The following ERI1 variants were observed in gnomAD, a reference collection of about 807,000 sequenced individuals.
ERI1 encodes exoribonuclease 1.
Under a neutral mutation model 39.7 loss-of-function variants are expected in ERI1, and 39 were observed. The ratio of observed to expected loss-of-function variants is 0.98; its 90% CI spans 0.76 to 1.28. The LOEUF is 1.28. ERI1 is among the 50% of genes most tolerant of loss of function. ERI1 has a pLI of 0.00. For missense variants in ERI1, 581 were observed against 416.9 expected (o/e 1.39, Z -3.43); for synonymous variants, 204 against 149.6 (o/e 1.36, Z -2.65).
intron 3 of ERI1, among the ~76,000 whole-genome samples, chr8:9,081,052 GGA>G (rs1799350922): frequency 6.6e-6 from 1 of 152,176 alleles, no homozygotes; most frequent in Non-Finnish European, 1.5e-5. Context: ...CAATCATGGT[GGA>G]AGGTGAAGGG....
At position 9,031,697 on chromosome 8, in the gene ERI1, A is replaced by G. The variant is rs1354924153; in HGVS notation, c.*1663A>G. Reference sequence around the variant, plus strand: ...CTGTTTTCACTTTCGCCAAGTACCAACAAGCTCATGTTGTATTTCTTTTTA... The same window carrying G: ...CTGTTTTCACTTTCGCCAAGTACCAGCAAGCTCATGTTGTATTTCTTTTTA... On this transcript the variant is annotated 3_prime_UTR_variant, in exon 7 of 7. Transcript: ENST00000250263. The G allele has an allele frequency of 3.9e-5, 6 of 152,228 alleles. No homozygotes were observed. The highest frequency in any genetic ancestry group is 1.3e-4 in the Admixed American group (2 of 15,280). 9.4% of individuals were successfully genotyped at this position (152,228 alleles called of 1,614,324 possible).
rs533009376 is a variant in ERI1, at chr8:9,031,390, A to G, written c.*1356A>G. 6.6e-6 allele frequency: 1 copy of G among 152,328 alleles called. No individual in the cohort carries two copies. Among genetic ancestry groups the G allele is most frequent in the South Asian group, 2.1e-4 (1 of 4,824 alleles). 9.4% of individuals were successfully genotyped at this position (152,328 alleles called of 1,614,324 possible). A position where few individuals can be genotyped will look rare whatever the true frequency, so the allele number is the denominator to read the frequency against. ...TCATATAATCAGTATCATAAAGAATAATGTGTAAATAACAGAAGGCATATG... is the reference window on the plus strand; with the variant it reads ...TCATATAATCAGTATCATAAAGAATGATGTGTAAATAACAGAAGGCATATG... On this transcript the variant is annotated 3_prime_UTR_variant, in exon 7 of 7. Transcript: ENST00000250263.
chr8:9,078,530 T>C (rs1799275546), intron 3 of ERI1, among the ~76,000 whole-genome samples: 1 of 152,140 alleles, frequency 6.6e-6, no homozygotes, highest in Admixed American at 6.5e-5. Flanking sequence ...CCCCTCACAC[T>C]GTTGTGAGGG....
intron 3 of ERI1, among the ~76,000 whole-genome samples, chr8:9,054,968 T>C (rs1350887917): frequency 6.6e-6 from 1 of 152,042 alleles, no homozygotes; most frequent in African/African-American, 2.4e-5. Context: ...ACATAATAAA[T>C]AGAAATGTGA....
At chr8:9,064,533 G>T (rs2979252) in intron 3 of ERI1, among the ~76,000 whole-genome samples, 1 of 151,816 alleles carries the variant, frequency 6.6e-6, no homozygotes, top group African/African-American at 2.4e-5. Context: ...AAAATGAAAG[G>T]AATTGAAATT....
intron 4 of ERI1, among the ~76,000 whole-genome samples, 186 bp downstream of exon 4, chr8:9,016,591 C>T (rs544116510): frequency 1.3e-5 from 2 of 150,970 alleles, no homozygotes; most frequent in Middle Eastern, 7.0e-3. Context: ...TAACATTTTC[C>T]TCAGCCTTTC....
intron 6 of ERI1, among the ~76,000 whole-genome samples, chr8:9,023,546 T>C (rs951780788): frequency 2.0e-5 from 3 of 152,102 alleles, no homozygotes; most frequent in African/African-American, 7.2e-5. Context: ...TGGTTTCTCT[T>C]TGTGCACCTG....
At chr8:9,094,077 TAA>T (rs201983945) in intron 3 of ERI1, among the ~76,000 whole-genome samples, 5,345 of 152,254 alleles carry the variant, frequency 0.035, 276 homozygotes, top group African/African-American at 0.12. Context: ...ACTAATTTTT[TAA>T]TAATAACAAG....
intron 1 of ERI1, chr8:9,004,132 G>A (rs1395308515): frequency 7.8e-7 from 1 of 1,289,168 alleles, no homozygotes; most frequent in Non-Finnish European, 1.0e-6. Context: ...AAGGATCTCT[G>A]TATGTTCCTT....
At chr8:9,052,606 A>G (rs988094779) in intron 3 of ERI1, among the ~76,000 whole-genome samples, 3 of 152,204 alleles carry the variant, frequency 2.0e-5, no homozygotes, top group Non-Finnish European at 2.9e-5. Context: ...GAACTGGGGC[A>G]CAGTTGGCAA....
intron 3 of ERI1, among the ~76,000 whole-genome samples, chr8:9,044,506 A>G (rs1033231432): frequency 6.6e-6 from 1 of 152,144 alleles, no homozygotes; most frequent in Non-Finnish European, 1.5e-5. Context: ...CCAACTACCC[A>G]TCATCAACTG....
chr8:9,086,930 G>A (rs1341310902), intron 3 of ERI1, among the ~76,000 whole-genome samples: 2 of 152,200 alleles, frequency 1.3e-5, no homozygotes, highest in Non-Finnish European at 1.5e-5. Flanking sequence ...AGTGTACACA[G>A]GAAAATTCTC....
In ERI1 at chr8:9,040,736, G is replaced by T. The variant is rs913193870; in HGVS notation, n.299+20272G>T. Among the ~76,000 whole-genome samples the T allele has an allele frequency of 2.2e-3, 332 of 151,532 alleles. 1 individual carries two copies. The highest frequency in any genetic ancestry group is 7.5e-3 in the African/African-American group (311 of 41,222). On this transcript the variant is annotated intron_variant and non_coding_transcript_variant, in intron 3 of 3. Transcript: ENST00000518663. ...AGTAATATAGTGTGTGTGTGGGGGG[G>T]GGGTGTGTGTTAGTTCACATTTGAT...
intron 3 of ERI1, among the ~76,000 whole-genome samples, chr8:9,058,260 G>A (rs1161226379): frequency 6.6e-6 from 1 of 152,204 alleles, no homozygotes. Flanking sequence ...TCCTGATGGA[G>A]TGAATGTGCG....
At chr8:9,067,279 T>G (rs1798907586) in intron 3 of ERI1, among the ~76,000 whole-genome samples, 1 of 152,044 alleles carries the variant, frequency 6.6e-6, no homozygotes, top group Non-Finnish European at 1.5e-5. Context: ...GTATTAAGTT[T>G]TCTAGATATA....
intron 3 of ERI1, among the ~76,000 whole-genome samples, chr8:9,099,555 A>G (rs1468002779): frequency 6.6e-6 from 1 of 150,648 alleles, no homozygotes; most frequent in African/African-American, 2.5e-5. Flanking sequence ...TGACGGTATC[A>G]TTGCAATCCA....
intron 1 of ERI1, among the ~76,000 whole-genome samples, chr8:9,005,177 G>GT (rs1019974743): frequency 4.6e-5 from 7 of 152,012 alleles, no homozygotes; most frequent in South Asian, 2.1e-4. Context: ...AAAATTCTAA[G>GT]TTTTTTTTCA....
intron 1 of ERI1, chr8:9,004,403 G>A (rs1404024921): frequency 1.8e-6 from 1 of 549,784 alleles, no homozygotes; most frequent in Non-Finnish European, 2.5e-6. Context: ...AGCTACTTAA[G>A]GCCTAGGTCT....
At chr8:9,054,708 T>A (rs1342424863) in intron 3 of ERI1, among the ~76,000 whole-genome samples, 1 of 152,250 alleles carries the variant, frequency 6.6e-6, no homozygotes, top group Non-Finnish European at 1.5e-5. Flanking sequence ...GCAGATCACT[T>A]GAGGCCAAGA....
Sources: allele counts gnomAD v4.1 joint callset (sites outside exome capture counted in the v4.1 genomes callset), GRCh38; gene constraint gnomAD v4.1.1; transcripts MANE v1.5; gene names NCBI Gene and HGNC (gene_info 2026-07-23, HGNC 2026-07-21).